The following RALYL variants were observed in gnomAD, a reference collection of about 807,000 sequenced individuals.
The protein encoded by RALYL is RNA-binding Raly-like protein.
In RALYL, 29 loss-of-function variants were observed where a neutral mutation model predicts 35.1. That is an observed-to-expected ratio of 0.83 (90% CI 0.61 to 1.13). The LOEUF is 1.13. Among genes scored for constraint, RALYL ranks in the 50% most tolerant of loss-of-function variants. The pLI is 0.00. For synonymous variants in RALYL, 120 were observed against 127.6 expected, an observed-to-expected ratio of 0.94 and a Z score of 0.40; for missense variants, 359 against 360.4, an observed-to-expected ratio of 1.00 and a Z score of 0.03.
At chr8:84,622,873 C>T (rs561804193) in intron 2 of RALYL, among the ~76,000 whole-genome samples, 2 of 152,122 alleles carry the variant, frequency 1.3e-5, no homozygotes, top group Non-Finnish European at 2.9e-5. Context: ...TTGTTATCTA[C>T]GTGGAAAAAA....
intron 1 of RALYL, among the ~76,000 whole-genome samples, chr8:84,356,924 A>G (rs1017337785): frequency 5.5e-5 from 8 of 145,222 alleles, no homozygotes; most frequent in African/African-American, 1.9e-4. Flanking sequence ...TTGCAGCAAT[A>G]TATGGAATCA....
rs185933434 is a variant in RALYL at position 84,778,377 on chromosome 8, T to C, written c.332+3723T>C. 2.2e-3 allele frequency among the ~76,000 whole-genome samples: 334 copies of C among 152,172 alleles called. 1 individual carries two copies. The highest frequency in any genetic ancestry group is 1.7e-3 in the Non-Finnish European group (113 of 67,900). ...CAGCCAAACAACCTTCAATAAGGCC[T>C]TATTATGTGCTAAGTAAACATGGTA... On this transcript the variant is annotated intron_variant, in intron 3 of 8. Transcript: ENST00000521268.
intron 1 of RALYL, among the ~76,000 whole-genome samples, chr8:84,218,823 G>A (rs73297875): frequency 0.033 from 5,082 of 152,144 alleles, 281 homozygotes; most frequent in African/African-American, 0.11. Flanking sequence ...AGTGCCCAGC[G>A]TGTGGTTGGT....
chr8:84,620,909 G>T lies in RALYL; in HGVS notation c.256+91332G>T, dbSNP rs912223515. On this transcript the variant is annotated intron_variant, in intron 2 of 8. Coordinates refer to ENST00000521268, the MANE Select transcript of RALYL (RefSeq NM_173848.7). ...GTGCCTCCCAGTTAGGCTGCTCGGGGGTCAGGGGACAGGGACCCACTTGAG... is the reference window on the plus strand; with the variant it reads ...GTGCCTCCCAGTTAGGCTGCTCGGGTGTCAGGGGACAGGGACCCACTTGAG... Among the ~76,000 whole-genome samples, 431 of 152,248 alleles carry T rather than the reference G, an allele frequency of 2.8e-3. 2 individuals are homozygous for T. The highest frequency in any genetic ancestry group is 8.8e-3 in the African/African-American group (367 of 41,550).
At chr8:84,451,214 G>A (rs767468974) in intron 1 of RALYL, among the ~76,000 whole-genome samples, 2 of 151,740 alleles carry the variant, frequency 1.3e-5, no homozygotes, top group Non-Finnish European at 2.9e-5. Flanking sequence ...CTATATTTCT[G>A]GGTTTTATTG....
intron 1 of RALYL, among the ~76,000 whole-genome samples, chr8:84,306,855 T>A (rs1841915053): frequency 6.6e-6 from 1 of 152,210 alleles, no homozygotes; most frequent in South Asian, 2.1e-4. Flanking sequence ...TCCTGGTGTT[T>A]AGATCAGGAT....
chr8:84,341,030 T>C (rs1848690414), intron 1 of RALYL, among the ~76,000 whole-genome samples: 1 of 152,038 alleles, frequency 6.6e-6, no homozygotes, highest in Non-Finnish European at 1.5e-5. Flanking sequence ...TGATATCTCA[T>C]TGTGGTTTTG....
At chr8:84,735,809 C>A (rs1475528342) in intron 2 of RALYL, among the ~76,000 whole-genome samples, 1 of 119,046 alleles carries the variant, frequency 8.4e-6, no homozygotes, top group East Asian at 2.3e-4. Flanking sequence ...TCATCCAAAC[C>A]GCGAGAGAGA....
chr8:84,871,867 GTATAT>G (rs1314634559), intron 6 of RALYL, among the ~76,000 whole-genome samples: 17 of 152,190 alleles, frequency 1.1e-4, no homozygotes, highest in South Asian at 4.1e-4. Context: ...AACATATCAT[GTATAT>G]TATATCATTT....
At chr8:84,285,312 C>A (rs1424951908) in intron 1 of RALYL, among the ~76,000 whole-genome samples, 1 of 152,026 alleles carries the variant, frequency 6.6e-6, no homozygotes, top group African/African-American at 2.4e-5. Context: ...AGTATATATT[C>A]TAGAGTATAG....
At chr8:84,530,487 TAA>T (rs11357141) in intron 2 of RALYL, among the ~76,000 whole-genome samples, 85 of 143,954 alleles carry the variant, frequency 5.9e-4, no homozygotes, top group Admixed American at 1.2e-3. Context: ...TTATCCAGTT[TAA>T]AAAAAAAAAA....
At chr8:84,804,018 A>G (rs902647558) in intron 3 of RALYL, among the ~76,000 whole-genome samples, 1 of 152,218 alleles carries the variant, frequency 6.6e-6, no homozygotes, top group Non-Finnish European at 1.5e-5. Context: ...TTATCTAGGA[A>G]CTATTTAGAA....
intron 1 of RALYL, among the ~76,000 whole-genome samples, chr8:84,483,880 A>T (rs2054312710): frequency 6.6e-6 from 1 of 152,122 alleles, no homozygotes; most frequent in African/African-American, 2.4e-5. Flanking sequence ...CATTTGTTTT[A>T]TACATTCTCT....
intron 2 of RALYL, among the ~76,000 whole-genome samples, chr8:84,664,421 A>G (rs1831562931): frequency 1.4e-4 from 21 of 151,848 alleles, no homozygotes; most frequent in Admixed American, 1.4e-3. Flanking sequence ...ATTCCCTTGG[A>G]CAGTATGACT....
At chr8:84,451,259 G>T (rs1408492855) in intron 1 of RALYL, among the ~76,000 whole-genome samples, 1 of 151,726 alleles carries the variant, frequency 6.6e-6, no homozygotes, top group African/African-American at 2.4e-5. Flanking sequence ...AAATTATTTT[G>T]TCATCTTTCA....
At chr8:84,912,617 C>T (rs556761350) in intron 8 of RALYL, among the ~76,000 whole-genome samples, 1 of 152,080 alleles carries the variant, frequency 6.6e-6, no homozygotes, top group East Asian at 1.9e-4. Flanking sequence ...CATTGGCTTC[C>T]TAACGCTCAT....
At chr8:84,484,440 A>C (rs2054386715) in intron 1 of RALYL, among the ~76,000 whole-genome samples, 1 of 152,084 alleles carries the variant, frequency 6.6e-6, no homozygotes, top group Admixed American at 6.6e-5. Context: ...TGTGCTTTTC[A>C]GAGGAGAAGG....
At chr8:84,473,212 AC>A (rs1404160793) in intron 1 of RALYL, among the ~76,000 whole-genome samples, 2 of 152,058 alleles carry the variant, frequency 1.3e-5, no homozygotes, top group African/African-American at 4.8e-5. Flanking sequence ...AACATTCTTA[AC>A]GACTCTAATT....
chr8:84,705,849 C>A, intron 2 of RALYL: 2 of 1,290,240 alleles, frequency 1.6e-6, no homozygotes, highest in Non-Finnish European at 2.1e-6. Flanking sequence ...TAGTTACAGG[C>A]TGTAGCATCT....
Sources: allele counts gnomAD v4.1 joint callset (sites outside exome capture counted in the v4.1 genomes callset), GRCh38; gene constraint gnomAD v4.1.1; transcripts MANE v1.5; gene names NCBI Gene and HGNC (gene_info 2026-07-23, HGNC 2026-07-21).